The following HSD17B12 variants were observed in gnomAD, a reference collection of about 807,000 sequenced individuals.
HSD17B12 encodes very-long-chain 3-oxoacyl-CoA reductase.
Under a neutral mutation model 39.3 loss-of-function variants are expected in HSD17B12, and 32 were observed. The ratio of observed to expected loss-of-function variants is 0.81; its 90% CI spans 0.61 to 1.09. The LOEUF (loss-of-function observed/expected upper bound fraction) is 1.09, where lower values mean the gene tolerates loss of function less well. HSD17B12 is among the 50% of genes least tolerant of loss of function. The pLI is 0.00. For synonymous variants in HSD17B12, 150 were observed against 146.7 expected, an observed-to-expected ratio of 1.02 and a Z score of -0.16; for missense variants, 342 against 382.9, an observed-to-expected ratio of 0.89 and a Z score of 0.89.
intron 2 of HSD17B12, among the ~76,000 whole-genome samples, chr11:43,751,684 G>A (rs966098750): frequency 6.6e-6 from 1 of 152,134 alleles, no homozygotes; most frequent in Non-Finnish European, 1.5e-5. Context: ...CAGAAAAGTT[G>A]CAAGAATATA....
At chr11:43,778,113 G>C (rs1443557329) in intron 3 of HSD17B12, among the ~76,000 whole-genome samples, 2 of 151,976 alleles carry the variant, frequency 1.3e-5, no homozygotes, top group African/African-American at 4.8e-5. Flanking sequence ...AAAAAAGAGA[G>C]AAGAATCAAA....
chr11:43,778,981 G>C (rs1950738373), intron 3 of HSD17B12, among the ~76,000 whole-genome samples: 1 of 152,102 alleles, frequency 6.6e-6, no homozygotes, highest in Non-Finnish European at 1.5e-5. Context: ...TTTACTGAAA[G>C]CTTTTTGTGG....
chr11:43,598,835 A>G, the HSD17B12 span, among the ~76,000 whole-genome samples: 1 of 152,184 alleles, frequency 6.6e-6, no homozygotes, highest in Admixed American at 6.5e-5. Flanking sequence ...CAAGCCAGCC[A>G]TATATGTACC....
the HSD17B12 span, among the ~76,000 whole-genome samples, chr11:43,669,500 CAAAA>C: frequency 7.4e-6 from 1 of 134,390 alleles, no homozygotes. Context: ...GACTCTGTTT[CAAAA>C]AAAAAAAAAA....
chr11:43,677,956 G>A (rs2134727364), upstream of HSD17B12, among the ~76,000 whole-genome samples: 1 of 152,318 alleles, frequency 6.6e-6, no homozygotes, highest in Admixed American at 6.5e-5. Context: ...CCAGTAATGG[G>A]AAGGTTGGGT....
intron 1 of HSD17B12, among the ~76,000 whole-genome samples, chr11:43,747,361 A>G (rs2134931348): frequency 6.6e-6 from 1 of 152,364 alleles, no homozygotes; most frequent in African/African-American, 2.4e-5. Context: ...GTGATCTAGA[A>G]CAGTGAAGTT....
At chr11:43,640,307 T>C in the HSD17B12 span, among the ~76,000 whole-genome samples, 4 of 152,246 alleles carry the variant, frequency 2.6e-5, no homozygotes. Flanking sequence ...TAAAATTTTC[T>C]AAGCAGAAAA....
At chr11:43,677,563 G>A (rs1159054577), upstream of HSD17B12, among the ~76,000 whole-genome samples, 3 of 152,050 alleles carry the variant, frequency 2.0e-5, no homozygotes, top group African/African-American at 7.2e-5. Flanking sequence ...TTTACATTAG[G>A]TTTATCTCCT....
intron 3 of HSD17B12, among the ~76,000 whole-genome samples, chr11:43,774,876 G>A (rs1448076497): frequency 6.6e-6 from 1 of 152,146 alleles, no homozygotes; most frequent in East Asian, 1.9e-4. Context: ...CATCATGGAT[G>A]CCATTCTTGT....
At chr11:43,815,602 C>T (rs1475239825) in intron 5 of HSD17B12, 101 bp downstream of exon 5, 1 of 644,440 alleles carries the variant, frequency 1.6e-6, no homozygotes, top group Non-Finnish European at 2.8e-6. Flanking sequence ...CTGTGGTTCA[C>T]ACGCTGGCTC....
intron 3 of HSD17B12, among the ~76,000 whole-genome samples, chr11:43,778,189 A>G (rs1303483904): frequency 6.6e-6 from 1 of 152,260 alleles, no homozygotes; most frequent in East Asian, 1.9e-4. Flanking sequence ...AACTATCATC[A>G]GAGAATACTA....
At chr11:43,833,836 C>T (rs570757300) in intron 7 of HSD17B12, 6 of 152,248 alleles carry the variant, frequency 3.9e-5, no homozygotes, top group Non-Finnish European at 7.4e-5. Context: ...TATCGCTAAA[C>T]AAATACCTAT....
chr11:43,675,329 G>C, the HSD17B12 span, among the ~76,000 whole-genome samples: 2 of 152,284 alleles, frequency 1.3e-5, no homozygotes, highest in East Asian at 3.9e-4. Context: ...GTGAACAAAA[G>C]CCTAAATAAT....
At chr11:43,691,161 T>C (rs1210255837) in intron 1 of HSD17B12, among the ~76,000 whole-genome samples, 3 of 152,184 alleles carry the variant, frequency 2.0e-5, no homozygotes, top group African/African-American at 4.8e-5. Context: ...AAATCAGAGA[T>C]GGCAAATTCT....
chr11:43,599,912 A>T, the HSD17B12 span, among the ~76,000 whole-genome samples: 19 of 152,312 alleles, frequency 1.2e-4, no homozygotes, highest in Middle Eastern at 3.4e-3. Context: ...TTTATTGAAG[A>T]TATAATTTCT....
intron 1 of HSD17B12, among the ~76,000 whole-genome samples, chr11:43,737,966 G>A (rs11037588): frequency 0.046 from 7,024 of 151,600 alleles, 240 homozygotes; most frequent in Middle Eastern, 0.18. Flanking sequence ...CCAGCTACTC[G>A]GGAGGCTGAG....
the HSD17B12 span, among the ~76,000 whole-genome samples, chr11:43,598,328 GTC>G: frequency 2.3e-4 from 35 of 151,970 alleles, no homozygotes; most frequent in African/African-American, 8.5e-4. Flanking sequence ...TTAGATGCGG[GTC>G]TCTCTGAAAA....
the HSD17B12 span, among the ~76,000 whole-genome samples, chr11:43,636,197 C>G: frequency 6.6e-6 from 1 of 152,182 alleles, no homozygotes; most frequent in Non-Finnish European, 1.5e-5. Context: ...AGTAGCAAGC[C>G]TCTAGTGAGA....
At chr11:43,558,439 G>C in the HSD17B12 span, among the ~76,000 whole-genome samples, 1 of 151,098 alleles carries the variant, frequency 6.6e-6, no homozygotes, top group African/African-American at 2.4e-5. Flanking sequence ...TTTTTTCATC[G>C]AGGGAAGCAG....
Sources: allele counts gnomAD v4.1 joint callset (sites outside exome capture counted in the v4.1 genomes callset), GRCh38; gene constraint gnomAD v4.1.1; transcripts MANE v1.5; gene names NCBI Gene and HGNC (gene_info 2026-07-23, HGNC 2026-07-21).